Variants in METTL6 observed in about 807,000 individuals in gnomAD.
METTL6 encodes methyltransferase 6, tRNA N3-cytidine.
In METTL6, 22 loss-of-function variants were observed where a neutral mutation model predicts 26.4. The ratio of observed to expected loss-of-function variants is 0.83; its 90% CI spans 0.59 to 1.19. The LOEUF is 1.19. METTL6 is among the 50% of genes most tolerant of loss of function. The probability of loss-of-function intolerance (pLI) is 0.00; values close to 1 mark genes in which losing one functional copy is unlikely to be tolerated. For synonymous variants in METTL6, 109 were observed against 116.2 expected (o/e 0.94, Z 0.40); for missense variants, 304 against 324.8 (o/e 0.94, Z 0.49).
Position 15,411,206 on chromosome 3 carries a change from T to A in METTL6, c.*50A>T, listed in dbSNP as rs781347270. Reference sequence around the variant, plus strand: ...CACCGCACCCAGACGAAAGAGTGATTTTAAATTTTCCTCTTCAAGGGAAGG... The same window carrying A: ...CACCGCACCCAGACGAAAGAGTGATATTAAATTTTCCTCTTCAAGGGAAGG... On this transcript the variant is annotated 3_prime_UTR_variant, in exon 6 of 6. Transcript: ENST00000383790. The A allele has an allele frequency of 1.2e-5, 19 of 1,570,338 alleles. No homozygotes were observed. The highest frequency in any genetic ancestry group is 2.7e-5 in the African/African-American group (2 of 72,764).
intron 3 of METTL6, among the ~76,000 whole-genome samples, chr3:15,424,184 T>TA (rs1363622360): frequency 6.6e-6 from 1 of 152,094 alleles, no homozygotes; most frequent in Non-Finnish European, 1.5e-5. Flanking sequence ...CTAAAAAAAG[T>TA]AAAAAATAAA....
chr3:15,402,905 C>T (rs1052157687), intron 6 of METTL6, among the ~76,000 whole-genome samples: 20 of 152,018 alleles, frequency 1.3e-4, no homozygotes, highest in Admixed American at 1.1e-3. Context: ...TGGCACCAGG[C>T]AAGAAGAGGG....
Position 15,411,098 on chromosome 3 carries a change from T to A in METTL6, c.*158A>T, listed in dbSNP as rs1422791290. 2 of 718,090 alleles carry A rather than the reference T, an allele frequency of 2.8e-6. No individual in the cohort carries two copies. The highest frequency in any genetic ancestry group is 6.3e-5 in the Admixed American group (2 of 31,574). The allele number at this position is 718,090 out of a possible 1,614,324, so 44.5% of individuals were successfully genotyped here. A position where few individuals can be genotyped will look rare whatever the true frequency, so the allele number is the denominator to read the frequency against. On this transcript the variant is annotated 3_prime_UTR_variant, in exon 6 of 6. Transcript: ENST00000383790. ...TTAGTAGAGATGGGGTCTCACCATGTTGGCCAGGCTGGTCTCAAACTCCTG... is the reference window on the plus strand; with the variant it reads ...TTAGTAGAGATGGGGTCTCACCATGATGGCCAGGCTGGTCTCAAACTCCTG...
exon 7 of METTL6, chr3:15,382,102 G>A (rs7643307): frequency 0.021 from 3,221 of 150,260 alleles, 94 homozygotes; most frequent in African/African-American, 0.072. Context: ...CCAGGCTGGA[G>A]AACAGTGGCA....
intron 6 of METTL6, among the ~76,000 whole-genome samples, chr3:15,403,699 G>A (rs1469442431): frequency 6.6e-6 from 1 of 152,102 alleles, no homozygotes; most frequent in Non-Finnish European, 1.5e-5. Flanking sequence ...CCCAAGAGAG[G>A]GTTCTTGGAT....
chr3:15,393,173 T>G (rs115334123), intron 6 of METTL6, among the ~76,000 whole-genome samples: 3,286 of 152,294 alleles, frequency 0.022, 101 homozygotes, highest in African/African-American at 0.072. Context: ...TCTATTACAT[T>G]GAGCAGTGGT....
intron 6 of METTL6, among the ~76,000 whole-genome samples, chr3:15,400,383 T>G (rs1265398870): frequency 6.6e-6 from 1 of 152,214 alleles, no homozygotes; most frequent in Non-Finnish European, 1.5e-5. Flanking sequence ...CATGCATATG[T>G]GCACATAATA....
At position 15,425,091 on chromosome 3, in the gene METTL6, T is replaced by C. The variant is rs774041001; in HGVS notation, c.226-2A>G. The C allele has an allele frequency of 6.2e-7, 1 of 1,613,988 alleles. No homozygotes were observed. The highest frequency in any genetic ancestry group is 1.3e-5 in the African/African-American group (1 of 75,032). On this transcript the variant is annotated splice_acceptor_variant, in intron 2 of 5. Coordinates refer to ENST00000383790, the MANE Select transcript of METTL6 (RefSeq NM_152396.4). LOFTEE classifies it high-confidence loss of function. ...CATTGTTAACTTTTGATCTTCAAAC[T>C]GGGGAAAGACAGCTCAAAGTTATAG...
downstream of METTL6, among the ~76,000 whole-genome samples, chr3:15,409,088 C>T (rs146716038): frequency 1.6e-4 from 25 of 152,318 alleles, no homozygotes; most frequent in Non-Finnish European, 3.7e-4. Context: ...TCAGCCCCTC[C>T]CAAGAAGTTG....
intron 3 of METTL6, among the ~76,000 whole-genome samples, chr3:15,418,286 A>C (rs1345633620): frequency 6.6e-6 from 1 of 152,240 alleles, no homozygotes; most frequent in Non-Finnish European, 1.5e-5. Context: ...AAAATGCTAA[A>C]GACTCTAATG....
chr3:15,412,474 ATTTTG>A (rs1342093557), intron 5 of METTL6, among the ~76,000 whole-genome samples: 1 of 151,536 alleles, frequency 6.6e-6, no homozygotes, highest in Non-Finnish European at 1.5e-5. Context: ...ATAATTTTGC[ATTTTG>A]TTTTGTTTTG....
chr3:15,426,866 A>T (rs530609509), intron 1 of METTL6, among the ~76,000 whole-genome samples: 6 of 152,336 alleles, frequency 3.9e-5, no homozygotes, highest in African/African-American at 1.4e-4. Flanking sequence ...TGAGTCAACT[A>T]TTACAATAAA....
chr3:15,425,994 G>A (rs1184042496), intron 2 of METTL6, among the ~76,000 whole-genome samples: 1 of 152,110 alleles, frequency 6.6e-6, no homozygotes, highest in South Asian at 2.1e-4. Flanking sequence ...AGGCTGGAGT[G>A]CAGTGGCACA....
At chr3:15,421,564 G>T (rs1173715387) in intron 3 of METTL6, among the ~76,000 whole-genome samples, 1 of 152,162 alleles carries the variant, frequency 6.6e-6, no homozygotes, top group Non-Finnish European at 1.5e-5. Context: ...GGGCTCAAGT[G>T]ATTTTCCCAC....
rs1267020807 is a variant in METTL6 at position 15,414,204 on chromosome 3, T to C, written c.532-42A>G. ...GGCTGAACATGACTTTGGAGAACCC[T>C]GTCAAAATAAAACCTGATTAAGTTA... On this transcript the variant is annotated intron_variant, in intron 4 of 5. Coordinates refer to ENST00000383790, the MANE Select transcript of METTL6 (RefSeq NM_152396.4). 5.7e-6 allele frequency: 9 copies of C among 1,577,746 alleles called. No homozygotes were observed. In the Middle Eastern group the frequency reaches 6.8e-4, roughly 119 times the overall value.
downstream of METTL6, among the ~76,000 whole-genome samples, chr3:15,409,623 G>A (rs755091028): frequency 2.2e-4 from 34 of 152,254 alleles, no homozygotes; most frequent in Admixed American, 1.3e-3. Context: ...CATCTTCTCC[G>A]AGAAACAGCA....
downstream of METTL6, among the ~76,000 whole-genome samples, chr3:15,408,719 C>T (rs1204683486): frequency 1.3e-5 from 2 of 152,074 alleles, no homozygotes; most frequent in African/African-American, 4.8e-5. Context: ...GGACTACAGG[C>T]ATATACCACC....
chr3:15,397,849 A>G (rs1699534567), intron 6 of METTL6, among the ~76,000 whole-genome samples: 1 of 152,188 alleles, frequency 6.6e-6, no homozygotes, highest in Non-Finnish European at 1.5e-5. Context: ...ATTCCTTCAG[A>G]TAACATCACT....
chr3:15,391,806 T>C, intron 6 of METTL6, among the ~76,000 whole-genome samples: 1 of 152,088 alleles, frequency 6.6e-6, no homozygotes, highest in East Asian at 1.9e-4. Flanking sequence ...GCTTCATCTA[T>C]GTCCCTACAA....
Sources: gnomAD v4.1 joint callset for allele counts (sites outside exome capture counted in the v4.1 genomes callset) on GRCh38, gnomAD v4.1.1 for gene constraint, MANE v1.5 for transcripts, NCBI Gene and HGNC (gene_info 2026-07-23, HGNC 2026-07-21) for gene names.